Variants in XRCC1 observed in about 807,000 individuals in gnomAD.
The protein encoded by XRCC1 is X-ray repair cross complementing 1.
A neutral mutation model predicts 83.3 loss-of-function variants in XRCC1; 52 were observed. The ratio of observed to expected loss-of-function variants is 0.62; its 90% CI spans 0.50 to 0.79. XRCC1 has a LOEUF of 0.79. Ranked by LOEUF, XRCC1 falls within the 30% of genes least tolerant of loss-of-function variation. The pLI is 0.00. For missense variants in XRCC1, 793 were observed against 823.5 expected, an observed-to-expected ratio of 0.96 and a Z score of 0.45; for synonymous variants, 281 against 312.6, an observed-to-expected ratio of 0.90 and a Z score of 1.07.
rs754338621 is a variant in XRCC1 at position 43,553,081 on chromosome 19, G to T, written c.612C>A (p.Ser204Arg). 4.5e-6 allele frequency: 7 copies of T among 1,571,246 alleles called. No individual in the cohort carries two copies. The highest frequency in any genetic ancestry group is 3.8e-5 in the Admixed American group (2 of 53,308). The change falls in exon 7 of 17, where the codon AGC becomes AGA. Residue 204 changes from serine (S) to arginine (R), a missense_variant. Transcript: ENST00000262887. ...RINKTSPVTA[S>R]DPAGPSYAAA... ...CTGCATAGCTAGGTCCTGCTGGGTC[G>T]CTGGCTGTGACTATGAAGGGAGAAA...
chr19:43,569,763 C>G (rs963577204), intron 2 of XRCC1, among the ~76,000 whole-genome samples: 1 of 151,476 alleles, frequency 6.6e-6, no homozygotes, highest in South Asian at 2.1e-4. Flanking sequence ...GCCAGAACAA[C>G]AAGACGAAAC....
chr19:43,570,844 C>CT (rs3213269), intron 2 of XRCC1, among the ~76,000 whole-genome samples: 2 of 152,106 alleles, frequency 1.3e-5, no homozygotes, highest in Non-Finnish European at 2.9e-5. Context: ...AAATGTCTGC[C>CT]TTTATCAGTT....
At chr19:43,570,092 C>T (rs1022236916) in intron 2 of XRCC1, among the ~76,000 whole-genome samples, 2 of 152,186 alleles carry the variant, frequency 1.3e-5, no homozygotes, top group African/African-American at 4.8e-5. Flanking sequence ...TTACTTACAC[C>T]TTCACTTCAC....
intron 2 of XRCC1, among the ~76,000 whole-genome samples, chr19:43,561,638 C>T (rs1374100801): frequency 1.3e-5 from 2 of 152,202 alleles, no homozygotes. Flanking sequence ...TGCTGTCAGT[C>T]AGGAGGTATT....
Position 43,557,891 on chromosome 19 carries a change from T to C in XRCC1, c.255+3019A>G, listed in dbSNP as rs147637324. 2.0e-4 allele frequency among the ~76,000 whole-genome samples: 30 copies of C among 151,728 alleles called. No individual in the cohort carries two copies. In the South Asian group the frequency reaches 4.6e-3, roughly 23 times the overall value. ...CTCCTGTGACTTTGGGTTTGTGCCT[T>C]TGATGTTTTTGAAGAGTAGAGGTCA... On this transcript the variant is annotated intron_variant, in intron 3 of 16. Transcript: ENST00000262887.
At chr19:43,574,528 G>A in intron 2 of XRCC1, 1 of 190,504 alleles carries the variant, frequency 5.2e-6, no homozygotes, top group Admixed American at 5.4e-5. Flanking sequence ...ACGGCATCCG[G>A]CCAGTTTCCC....
At chr19:43,574,117 C>CCCCACT (rs1166885434) in intron 2 of XRCC1, among the ~76,000 whole-genome samples, 2 of 151,942 alleles carry the variant, frequency 1.3e-5, no homozygotes, top group Non-Finnish European at 2.9e-5. Context: ...ACTCTGGTGC[C>CCCCACT]CAGGCTGGAG....
chr19:43,544,064 AC>A, intron 15 of XRCC1, 79 bp downstream of exon 15: 1 of 1,316,408 alleles, frequency 7.6e-7, no homozygotes, highest in South Asian at 1.4e-5. Context: ...TCTTTCCCAC[AC>A]CCCCACCCCT....
At chr19:43,566,158 C>A (rs1209812636) in intron 2 of XRCC1, among the ~76,000 whole-genome samples, 2 of 151,830 alleles carry the variant, frequency 1.3e-5, no homozygotes, top group African/African-American at 4.8e-5. Flanking sequence ...ATCACTTGAA[C>A]CTGGGAGGCA....
chr19:43,547,987 C>T (rs985901819), intron 10 of XRCC1, among the ~76,000 whole-genome samples: 3 of 151,374 alleles, frequency 2.0e-5, no homozygotes, highest in Non-Finnish European at 2.9e-5. Context: ...ACTAACATTC[C>T]AGGAAAAGGA....
intron 8 of XRCC1, 44 bp from the exon 9 acceptor site, chr19:43,552,319 C>T (rs1429904801): frequency 7.9e-6 from 11 of 1,393,584 alleles, no homozygotes; most frequent in South Asian, 1.2e-5. Flanking sequence ...CACTGGGGGT[C>T]AACCCCCAGC....
In XRCC1 at chr19:43,572,927, C is replaced by CTTTTTTTTTT. The variant is rs1015971628; in HGVS notation, c.144+1973_144+1982dup. Among the ~76,000 whole-genome samples, 62 of 91,154 alleles carry CTTTTTTTTTT rather than the reference C, an allele frequency of 6.8e-4. 1 individual carries two copies. The highest frequency in any genetic ancestry group is 8.1e-4 in the Non-Finnish European group (38 of 46,988). The allele number at this position is 91,154 out of a possible 152,430, so 59.8% of individuals were successfully genotyped here. A position where few individuals can be genotyped will look rare whatever the true frequency, so the allele number is the denominator to read the frequency against. On this transcript the variant is annotated intron_variant, in intron 2 of 16. Coordinates refer to ENST00000262887, the MANE Select transcript of XRCC1 (RefSeq NM_006297.3). ...AATCATCCTAAAACTGAGATCTTTTCTTTTTTTTTTTTTTTTTTTTTTTGA... is the reference window on the plus strand; with the variant it reads ...AATCATCCTAAAACTGAGATCTTTTCTTTTTTTTTTTTTTTTTTTTTTTTTTTTTTTTTGA...
intron 2 of XRCC1, among the ~76,000 whole-genome samples, chr19:43,568,357 C>G (rs760751515): frequency 2.0e-5 from 3 of 151,872 alleles, no homozygotes; most frequent in Non-Finnish European, 2.9e-5. Flanking sequence ...ATTAGCCAAG[C>G]CTGGTGGCAT....
intron 6 of XRCC1, 141 bp downstream of exon 6, chr19:43,553,260 C>T (rs1233858174): frequency 4.3e-6 from 5 of 1,161,572 alleles, no homozygotes; most frequent in Admixed American, 2.2e-5. Context: ...CACCTTCCTC[C>T]ACCCTGAGAC....
intron 2 of XRCC1, among the ~76,000 whole-genome samples, chr19:43,566,699 C>T (rs1318681921): frequency 2.0e-5 from 3 of 148,990 alleles, no homozygotes; most frequent in Non-Finnish European, 4.5e-5. Flanking sequence ...GGCAACACGG[C>T]GAAACCCCGT....
chr19:43,570,113 T>C (rs1160775637), intron 2 of XRCC1, among the ~76,000 whole-genome samples: 2 of 152,164 alleles, frequency 1.3e-5, no homozygotes, highest in Non-Finnish European at 2.9e-5. Flanking sequence ...TCTATGTATG[T>C]TACACATCAA....
At chr19:43,548,769 A>AAAAAAAAAAAAAAG (rs1972545218) in intron 10 of XRCC1, among the ~76,000 whole-genome samples, 2 of 119,224 alleles carry the variant, frequency 1.7e-5, no homozygotes, top group African/African-American at 6.5e-5. Flanking sequence ...GAATGATCAA[A>AAAAAAAAAAAAAAG]AAAAAAAAAA....
intron 10 of XRCC1, among the ~76,000 whole-genome samples, chr19:43,549,872 C>T (rs539765026): frequency 6.6e-6 from 1 of 152,120 alleles, no homozygotes; most frequent in South Asian, 2.1e-4. Context: ...GTTGCAAATC[C>T]AACACTGTTT....
In XRCC1 at chr19:43,553,482, G is replaced by A. The variant is rs143266865; in HGVS notation, c.520C>T (p.Arg174Cys). Residue 174 changes from arginine (R) to cysteine (C), a missense_variant, in exon 6 of 17, where the codon CGT becomes TGT. Physicochemically the swap from Arg to Cys is radical, Grantham distance 180 (BLOSUM62 -3). Transcript: ENST00000262887. ...GCGCTCTCATCCTCCTCCTTCACACGGAACTGGCCAAGCTTGGTCACTGTC... is the reference window on the plus strand; with the variant it reads ...GCGCTCTCATCCTCCTCCTTCACACAGAACTGGCCAAGCTTGGTCACTGTC... ...KVTVTKLGQF[R>C]VKEEDESANS... The A allele has an allele frequency of 3.2e-5, 52 of 1,614,002 alleles. No individual in the cohort carries two copies. Among genetic ancestry groups the A allele is most frequent in the African/African-American group, 8.0e-5 (6 of 74,888 alleles).
Sources: gnomAD v4.1 joint callset for allele counts (sites outside exome capture counted in the v4.1 genomes callset) on GRCh38, gnomAD v4.1.1 for gene constraint, MANE v1.5 for transcripts, NCBI Gene and HGNC (gene_info 2026-07-23, HGNC 2026-07-21) for gene names.